The following FABP6 variants were observed in gnomAD, a reference collection of about 807,000 sequenced individuals.
FABP6 encodes gastrotropin.
In FABP6, 13 loss-of-function variants were observed where a neutral mutation model predicts 14.9. The ratio of observed to expected loss-of-function variants is 0.87; its 90% CI spans 0.57 to 1.39. The LOEUF (loss-of-function observed/expected upper bound fraction) is 1.39. Ranked by LOEUF, FABP6 falls within the 40% of genes most tolerant of loss-of-function variation. The pLI is 0.00. For synonymous variants in FABP6, 75 were observed against 63.6 expected (o/e 1.18, Z -0.85); for missense variants, 161 against 167.2 (o/e 0.96, Z 0.20).
chr5:160,209,173 C>T (rs1232365156), intron 2 of FABP6, among the ~76,000 whole-genome samples: 1 of 151,978 alleles, frequency 6.6e-6, no homozygotes, highest in African/African-American at 2.4e-5. Context: ...AGTGAGCCAT[C>T]TTTGCATCAC....
At chr5:160,190,761 C>T (rs927706198) in intron 1 of FABP6, among the ~76,000 whole-genome samples, 2 of 152,184 alleles carry the variant, frequency 1.3e-5, no homozygotes, top group East Asian at 3.9e-4. Context: ...TATCCTGAAT[C>T]TATTTTGGGG....
chr5:160,199,878 T>G (rs1005336587), intron 2 of FABP6, among the ~76,000 whole-genome samples: 21 of 152,248 alleles, frequency 1.4e-4, no homozygotes, highest in African/African-American at 5.1e-4. Flanking sequence ...CAGGCCGTCC[T>G]ACAAGAAGTG....
chr5:160,199,511 C>T (rs1411409288), intron 2 of FABP6, among the ~76,000 whole-genome samples: 1 of 152,166 alleles, frequency 6.6e-6, no homozygotes, highest in Admixed American at 6.5e-5. Context: ...GCCAAGCCGG[C>T]CACCAGAGGG....
intron 3 of FABP6, among the ~76,000 whole-genome samples, chr5:160,236,653 C>G (rs1414768897): frequency 6.6e-6 from 1 of 152,012 alleles, no homozygotes; most frequent in African/African-American, 2.4e-5. Context: ...GTCTTTTTAT[C>G]CCCCTTTAAC....
chr5:160,207,701 G>A (rs1422893291), intron 2 of FABP6, among the ~76,000 whole-genome samples: 1 of 151,360 alleles, frequency 6.6e-6, no homozygotes, highest in African/African-American at 2.4e-5. Context: ...TGAGAGACGG[G>A]ACTGTAGGTC....
chr5:160,195,301 A>G (rs981780002), intron 1 of FABP6, among the ~76,000 whole-genome samples: 12 of 151,138 alleles, frequency 7.9e-5, no homozygotes, highest in Admixed American at 5.3e-4. Context: ...AAAAAAAAAA[A>G]AAAAAAAAAA....
chr5:160,218,242 T>G (rs1168515340), intron 3 of FABP6, among the ~76,000 whole-genome samples: 3 of 151,980 alleles, frequency 2.0e-5, no homozygotes, highest in Non-Finnish European at 4.4e-5. Context: ...CACTTAACAT[T>G]AGTAACATCC....
chr5:160,211,983 CTTTTTTTT>C (rs70990712), intron 2 of FABP6, among the ~76,000 whole-genome samples: 21 of 102,982 alleles, frequency 2.0e-4, no homozygotes, highest in African/African-American at 7.1e-4. Context: ...TATGCAAGTT[CTTTTTTTT>C]TTTTTTTTTT....
chr5:160,193,898 C>G (rs185978352), intron 1 of FABP6, among the ~76,000 whole-genome samples: 1 of 151,512 alleles, frequency 6.6e-6, no homozygotes, highest in African/African-American at 2.4e-5. Context: ...TGCGCTCGCA[C>G]TCCTCAGCCC....
upstream of FABP6, among the ~76,000 whole-genome samples, chr5:160,228,218 C>G (rs1036237552): frequency 6.6e-6 from 1 of 151,874 alleles, no homozygotes; most frequent in Non-Finnish European, 1.5e-5. Flanking sequence ...GTGGAGAAAC[C>G]CCGTCTCTAC....
upstream of FABP6, chr5:160,229,442 T>C: frequency 1.3e-6 from 2 of 1,549,472 alleles, no homozygotes; most frequent in South Asian, 2.5e-5. Flanking sequence ...AGAAGTGGGG[T>C]GACTTAGGGG....
intron 1 of FABP6, among the ~76,000 whole-genome samples, chr5:160,193,279 G>C (rs542291120): frequency 6.6e-6 from 1 of 152,096 alleles, no homozygotes; most frequent in Non-Finnish European, 1.5e-5. Context: ...CGTTCCTCCC[G>C]GTGGGCTCGT....
intron 1 of FABP6, among the ~76,000 whole-genome samples, chr5:160,193,413 C>A (rs945498590): frequency 1.1e-4 from 17 of 152,084 alleles, no homozygotes; most frequent in African/African-American, 1.4e-4. Flanking sequence ...AAGAACAAGG[C>A]TTCCACAGTG....
intron 1 of FABP6, among the ~76,000 whole-genome samples, chr5:160,193,920 A>G (rs1447671055): frequency 2.6e-5 from 4 of 152,218 alleles, no homozygotes; most frequent in African/African-American, 9.6e-5. Context: ...TGGGCGGTCG[A>G]TGGGACTGGG....
At chr5:160,223,418 C>T (rs1760175133) in intron 3 of FABP6, among the ~76,000 whole-genome samples, 1 of 132,824 alleles carries the variant, frequency 7.5e-6, no homozygotes, top group Non-Finnish European at 1.6e-5. Flanking sequence ...TCCTTCTTTC[C>T]TTTCTTACTT....
At chr5:160,218,337 A>G (rs1760059379) in intron 3 of FABP6, among the ~76,000 whole-genome samples, 1 of 152,170 alleles carries the variant, frequency 6.6e-6, no homozygotes, top group African/African-American at 2.4e-5. Flanking sequence ...CCAAGGCCAC[A>G]GAACCAGTAA....
At chr5:160,232,391 T>G in intron 2 of FABP6, 118 bp downstream of exon 2, 1 of 1,072,712 alleles carries the variant, frequency 9.3e-7, no homozygotes, top group East Asian at 2.7e-5. Context: ...CCTCCAGCAT[T>G]AGGAGCTTGA....
chr5:160,229,511 C>T lies in FABP6; in HGVS notation c.-47C>T, dbSNP rs763398915. On this transcript the variant is annotated 5_prime_UTR_variant, in exon 1 of 4. Transcript: ENST00000402432. The stretch of plus-strand genomic sequence containing the variant: ...GGGATAGCAGACCCCTCAGCACCAC[C>T]CATTCTCCTCATCCCTCTGCTCTCT... The T allele has an allele frequency of 1.2e-5, 20 of 1,613,256 alleles. No homozygotes were observed. The highest frequency in any genetic ancestry group is 1.7e-5 in the Non-Finnish European group (20 of 1,179,482).
intron 3 of FABP6, chr5:160,213,881 C>T (rs1759950546): frequency 7.5e-7 from 1 of 1,334,216 alleles, no homozygotes; most frequent in Admixed American, 1.7e-5. Flanking sequence ...GTTCTAGTTC[C>T]TCATGAACCT....
Sources: allele counts gnomAD v4.1 joint callset (sites outside exome capture counted in the v4.1 genomes callset), GRCh38; gene constraint gnomAD v4.1.1; transcripts MANE v1.5; gene names NCBI Gene and HGNC (gene_info 2026-07-23, HGNC 2026-07-21).